MAN2A1: variants seen among roughly 807,000 people sequenced by gnomAD.
The protein encoded by MAN2A1 is alpha-mannosidase 2.
In MAN2A1, 76 loss-of-function variants were observed where a neutral mutation model predicts 142.6. The ratio of observed to expected loss-of-function variants is 0.53; its 90% CI spans 0.44 to 0.65. The LOEUF is 0.65. Ranked by LOEUF, MAN2A1 falls within the 30% of genes least tolerant of loss-of-function variation. MAN2A1 has a pLI of 0.00. For missense variants in MAN2A1, 1,311 were observed against 1,365.1 expected, an observed-to-expected ratio of 0.96 and a Z score of 0.62; for synonymous variants, 559 against 473.2, an observed-to-expected ratio of 1.18 and a Z score of -2.35.
chr5:109,838,175 T>G (rs1485212249), intron 16 of MAN2A1, among the ~76,000 whole-genome samples: 1 of 152,216 alleles, frequency 6.6e-6, no homozygotes, highest in Admixed American at 6.5e-5. Context: ...ATTACCACTT[T>G]TCACCTGTGA....
intron 12 of MAN2A1, among the ~76,000 whole-genome samples, chr5:109,811,463 T>G (rs1754315259): frequency 6.6e-6 from 1 of 152,172 alleles, no homozygotes; most frequent in South Asian, 2.1e-4. Context: ...TATGTTCTAC[T>G]AAGTGACATT....
At chr5:109,732,694 A>G (rs1329252665) in intron 4 of MAN2A1, among the ~76,000 whole-genome samples, 2 of 152,094 alleles carry the variant, frequency 1.3e-5, no homozygotes, top group African/African-American at 4.8e-5. Flanking sequence ...ATTATTTCTG[A>G]GGGCTGTGTT....
chr5:109,823,867 A>T lies in MAN2A1; in HGVS notation c.2566+30A>T, dbSNP rs28413537. The T allele has an allele frequency of 6.5e-3, 7,324 of 1,124,950 alleles. 367 individuals are homozygous for T. The African/African-American group carries it at 0.11, about 16-fold the overall frequency. 69.7% of individuals were successfully genotyped at this position (1,124,950 alleles called of 1,614,324 possible). ...GAAAATAGGAATGCAGTTATGAAACATATGTATTATGGTTTTTGAATTCTT... is the reference window on the plus strand; with the variant it reads ...GAAAATAGGAATGCAGTTATGAAACTTATGTATTATGGTTTTTGAATTCTT... On this transcript the variant is annotated intron_variant, in intron 16 of 21. Coordinates refer to ENST00000261483, the MANE Select transcript of MAN2A1 (RefSeq NM_002372.4).
intron 15 of MAN2A1, among the ~76,000 whole-genome samples, chr5:109,821,794 AT>A (rs1396536343): frequency 6.6e-6 from 1 of 152,040 alleles, no homozygotes; most frequent in African/African-American, 2.4e-5. Context: ...ATGTGGTAAA[AT>A]TAATCCTTTT....
chr5:109,693,500 G>A (rs1184137151), intron 1 of MAN2A1, among the ~76,000 whole-genome samples: 1 of 151,934 alleles, frequency 6.6e-6, no homozygotes, highest in African/African-American at 2.4e-5. Context: ...AGTTGATACG[G>A]AACCTTCACT....
chr5:109,775,893 CAA>C (rs1753277863), intron 8 of MAN2A1, among the ~76,000 whole-genome samples: 4 of 152,080 alleles, frequency 2.6e-5, no homozygotes, highest in Middle Eastern at 3.4e-3. Context: ...TGCATTTGAT[CAA>C]GTTTTTAATT....
chr5:109,736,814 C>G lies in MAN2A1; in HGVS notation c.707+7301C>G, dbSNP rs1002645901. Among the ~76,000 whole-genome samples, 10 of 152,204 alleles carry G rather than the reference C, an allele frequency of 6.6e-5. No homozygotes were observed. The East Asian group carries it at 1.9e-3, about 29-fold the overall frequency. On this transcript the variant is annotated intron_variant, in intron 4 of 21. Coordinates refer to ENST00000261483, the MANE Select transcript of MAN2A1 (RefSeq NM_002372.4). ...CTGCTTTCATCTTTCCTAATTCCTTCTACTCACTTTCACTAATGCTAAATG... is the reference window on the plus strand; with the variant it reads ...CTGCTTTCATCTTTCCTAATTCCTTGTACTCACTTTCACTAATGCTAAATG...
rs1754701167 is a variant in MAN2A1, at chr5:109,824,172, C to G, written c.2566+335C>G. Among the ~76,000 whole-genome samples the G allele has an allele frequency of 3.3e-5, 5 of 152,178 alleles. No homozygotes were observed. The South Asian group carries it at 8.3e-4, about 25-fold the overall frequency. On this transcript the variant is annotated intron_variant, in intron 16 of 21. Coordinates refer to ENST00000261483, the MANE Select transcript of MAN2A1 (RefSeq NM_002372.4). The stretch of plus-strand genomic sequence containing the variant: ...TGGAAATTATATTAAATACGACTTT[C>G]AGTTAATAGACCACACACATATATG...
At chr5:109,741,140 A>G (rs1328632847) in intron 4 of MAN2A1, among the ~76,000 whole-genome samples, 1 of 152,074 alleles carries the variant, frequency 6.6e-6, no homozygotes, top group African/African-American at 2.4e-5. Flanking sequence ...TTGGCATTGG[A>G]AAATATTCTG....
At chr5:109,864,232 A>G (rs1273997903) in intron 20 of MAN2A1, 2 of 152,216 alleles carry the variant, frequency 1.3e-5, no homozygotes, top group East Asian at 1.9e-4. Context: ...TTTTTAATTC[A>G]TTTATCATAA....
intron 5 of MAN2A1, among the ~76,000 whole-genome samples, chr5:109,757,795 G>A (rs931557971): frequency 6.6e-6 from 1 of 152,128 alleles, no homozygotes; most frequent in African/African-American, 2.4e-5. Flanking sequence ...ATGGAAGCAT[G>A]TAATGTATGG....
chr5:109,802,373 A>T (rs1295467321), intron 12 of MAN2A1, among the ~76,000 whole-genome samples: 1 of 152,174 alleles, frequency 6.6e-6, no homozygotes, highest in Non-Finnish European at 1.5e-5. Flanking sequence ...ATAAAGCTTC[A>T]TGTCAGTTCT....
At chr5:109,717,904 G>A (rs543196271) in intron 3 of MAN2A1, among the ~76,000 whole-genome samples, 1 of 152,158 alleles carries the variant, frequency 6.6e-6, no homozygotes, top group Non-Finnish European at 1.5e-5. Flanking sequence ...TAGTATATTT[G>A]CATTTAGGGG....
intron 12 of MAN2A1, among the ~76,000 whole-genome samples, chr5:109,800,460 C>G (rs1259724588): frequency 6.6e-6 from 1 of 152,114 alleles, no homozygotes; most frequent in East Asian, 1.9e-4. Flanking sequence ...AGGAATTGCA[C>G]TAGAGGGAAT....
At chr5:109,710,777 G>A (rs1751278555) in intron 1 of MAN2A1, among the ~76,000 whole-genome samples, 1 of 151,936 alleles carries the variant, frequency 6.6e-6, no homozygotes, top group East Asian at 1.9e-4. Context: ...CACAACCTCC[G>A]CCTCCCGGGT....
chr5:109,833,646 A>G (rs997786537), intron 16 of MAN2A1, among the ~76,000 whole-genome samples: 2 of 134,408 alleles, frequency 1.5e-5, no homozygotes, highest in Admixed American at 7.7e-5. Flanking sequence ...GCTCGGCATC[A>G]GAGGGAGACG....
chr5:109,785,629 T>G (rs1753577317), intron 10 of MAN2A1, among the ~76,000 whole-genome samples: 1 of 152,084 alleles, frequency 6.6e-6, no homozygotes, highest in South Asian at 2.1e-4. Flanking sequence ...AGCTTCCTAA[T>G]AAGGGGGAAG....
At chr5:109,700,718 T>G (rs1750955818) in intron 1 of MAN2A1, among the ~76,000 whole-genome samples, 1 of 152,094 alleles carries the variant, frequency 6.6e-6, no homozygotes, top group Non-Finnish European at 1.5e-5. Flanking sequence ...TAGTCTTTGA[T>G]TTTTCAGATA....
At chr5:109,812,765 T>C (rs1754352727) in intron 12 of MAN2A1, among the ~76,000 whole-genome samples, 1 of 152,168 alleles carries the variant, frequency 6.6e-6, no homozygotes, top group Non-Finnish European at 1.5e-5. Flanking sequence ...TTTTAAGGAA[T>C]TGAAATAATC....
Sources: allele counts gnomAD v4.1 joint callset (sites outside exome capture counted in the v4.1 genomes callset), GRCh38; gene constraint gnomAD v4.1.1; transcripts MANE v1.5; gene names NCBI Gene and HGNC (gene_info 2026-07-23, HGNC 2026-07-21).